Variants in EPHB1 observed in about 807,000 individuals in gnomAD.
EPHB1 encodes the protein EPH receptor B1.
EPHB1 carries 30 observed loss-of-function variants against 94.4 expected under a neutral mutation model. That is an observed-to-expected ratio of 0.32 (90% CI 0.24 to 0.43). The LOEUF (loss-of-function observed/expected upper bound fraction) is 0.43, where lower values mean the gene tolerates loss of function less well. EPHB1 is among the 20% of genes least tolerant of loss of function. The pLI is 1.00. For synonymous variants in EPHB1, 522 were observed against 489.1 expected (o/e 1.07, Z -0.89); for missense variants, 1,055 against 1,308.3 (o/e 0.81, Z 2.99).
At chr3:135,226,728 G>T (rs1172924839) in intron 12 of EPHB1, among the ~76,000 whole-genome samples, 1 of 152,146 alleles carries the variant, frequency 6.6e-6, no homozygotes, top group Admixed American at 6.5e-5. Context: ...CAACTTGGAA[G>T]GTTGTTGGCC....
At chr3:134,836,542 T>C (rs2036676340) in intron 1 of EPHB1, among the ~76,000 whole-genome samples, 1 of 152,226 alleles carries the variant, frequency 6.6e-6, no homozygotes, top group Admixed American at 6.5e-5. Context: ...TTTTAAAAAC[T>C]ACACTTCATT....
chr3:134,912,643 A>T (rs891915561), intron 1 of EPHB1, among the ~76,000 whole-genome samples: 6 of 152,180 alleles, frequency 3.9e-5, no homozygotes, highest in Admixed American at 1.3e-4. Context: ...TACAGGTCTG[A>T]TTAAATGCCC....
At chr3:134,983,690 A>G (rs906030186) in intron 3 of EPHB1, among the ~76,000 whole-genome samples, 2 of 152,246 alleles carry the variant, frequency 1.3e-5, no homozygotes, top group South Asian at 4.1e-4. Context: ...TTGGACCTCC[A>G]TATCAGGACC....
intron 1 of EPHB1, among the ~76,000 whole-genome samples, chr3:134,807,110 G>A (rs2036076731): frequency 6.6e-6 from 1 of 152,222 alleles, no homozygotes; most frequent in South Asian, 2.1e-4. Flanking sequence ...TCTCTGGGGT[G>A]TCCAGGTAAG....
In EPHB1 at chr3:135,192,785, G is replaced by C. The variant is rs1942494512; in HGVS notation, c.2092G>C (p.Glu698Gln). ...GAGTCGGCCTGTCATGATCATCACAGAGTTCATGGAGAATGGTGCATTGGA... is the reference window on the plus strand; with the variant it reads ...GAGTCGGCCTGTCATGATCATCACACAGTTCATGGAGAATGGTGCATTGGA... ...TKSRPVMIIT[E>Q]FMENGALDSF... The change falls in exon 11 of 16, where the codon GAG becomes CAG. Residue 698 changes from glutamate (E) to glutamine (Q), a missense_variant. Transcript: ENST00000398015. The C allele has an allele frequency of 1.2e-6, 2 of 1,614,062 alleles. No homozygotes were observed. The highest frequency in any genetic ancestry group is 2.2e-5 in the East Asian group (1 of 44,892).
intron 15 of EPHB1, among the ~76,000 whole-genome samples, chr3:135,254,762 T>TATTG (rs1933297485): frequency 6.6e-6 from 1 of 152,152 alleles, no homozygotes; most frequent in Non-Finnish European, 1.5e-5. Flanking sequence ...CCTCTTTTTC[T>TATTG]ATTGATTGGA....
chr3:134,831,874 T>C (rs1321415709), intron 1 of EPHB1, among the ~76,000 whole-genome samples: 1 of 152,238 alleles, frequency 6.6e-6, no homozygotes, highest in African/African-American at 2.4e-5. Context: ...CCTGTTTGGA[T>C]ATTTCTATGA....
rs1233060818 is a variant in EPHB1 at position 135,155,740 on chromosome 3, A to AGT, written c.1422+1465_1422+1466insTG. Among the ~76,000 whole-genome samples the AGT allele has an allele frequency of 2.4e-4, 34 of 139,588 alleles. 2 individuals are homozygous for AGT. The highest frequency in any genetic ancestry group is 4.6e-4 in the African/African-American group (16 of 34,674). The allele number at this position is 139,588 out of a possible 152,430, so 91.6% of individuals were successfully genotyped here. On this transcript the variant is annotated intron_variant, in intron 6 of 15. Coordinates refer to ENST00000398015, the MANE Select transcript of EPHB1 (RefSeq NM_004441.5). ...AGGAGGTGGAGGTTGCAGTGAGCCT[A>AGT]GATCACACCACTGCACTCCAGTGTG...
chr3:135,001,342 G>A (rs1307033090), intron 3 of EPHB1, among the ~76,000 whole-genome samples: 2 of 152,158 alleles, frequency 1.3e-5, no homozygotes, highest in Non-Finnish European at 2.9e-5. Context: ...TGAAGATGGG[G>A]TGGCAGTGGC....
chr3:135,184,015 G>A (rs1235543073), intron 10 of EPHB1, among the ~76,000 whole-genome samples: 1 of 152,210 alleles, frequency 6.6e-6, no homozygotes, highest in African/African-American at 2.4e-5. Flanking sequence ...GACAAGTTAT[G>A]AGGTTTTGTT....
chr3:135,178,955 C>T (rs76203913), intron 9 of EPHB1, among the ~76,000 whole-genome samples: 5 of 152,144 alleles, frequency 3.3e-5, no homozygotes, highest in Non-Finnish European at 4.4e-5. Context: ...TGCTTAATGA[C>T]GTATCAAACA....
At chr3:135,096,550 C>T (rs6764345) in intron 3 of EPHB1, among the ~76,000 whole-genome samples, 130,806 of 152,260 alleles carry the variant, frequency 0.86, 56,222 homozygotes, top group Middle Eastern at 0.96. Context: ...CTGTAACAAA[C>T]ACTGGGTGGC....
intron 3 of EPHB1, among the ~76,000 whole-genome samples, chr3:135,037,537 G>C (rs776544163): frequency 3.9e-5 from 6 of 152,240 alleles, no homozygotes; most frequent in Non-Finnish European, 8.8e-5. Flanking sequence ...CCATTTGACA[G>C]AAGGGGAAAC....
chr3:134,946,295 T>G (rs1025408439), intron 2 of EPHB1, among the ~76,000 whole-genome samples: 1 of 152,188 alleles, frequency 6.6e-6, no homozygotes, highest in Non-Finnish European at 1.5e-5. Context: ...CATCAGCGAC[T>G]TCTAGTTACA....
intron 3 of EPHB1, among the ~76,000 whole-genome samples, chr3:135,083,803 C>A (rs747676313): frequency 2.6e-5 from 4 of 152,076 alleles, no homozygotes; most frequent in Non-Finnish European, 4.4e-5. Context: ...TAATAGAGGC[C>A]AAATGAGTCC....
intron 1 of EPHB1, among the ~76,000 whole-genome samples, chr3:134,812,885 A>G (rs1483226853): frequency 6.6e-6 from 1 of 152,106 alleles, no homozygotes; most frequent in East Asian, 1.9e-4. Flanking sequence ...CCACTCATAT[A>G]TATTCTCCGA....
At chr3:134,962,602 C>T (rs1483619742) in intron 3 of EPHB1, among the ~76,000 whole-genome samples, 2 of 152,168 alleles carry the variant, frequency 1.3e-5, no homozygotes, top group Admixed American at 1.3e-4. Flanking sequence ...CCATCTGTCT[C>T]CTTCTGCCCC....
chr3:134,850,742 G>A (rs563447857), intron 1 of EPHB1, among the ~76,000 whole-genome samples: 94 of 152,370 alleles, frequency 6.2e-4, no homozygotes, highest in South Asian at 1.4e-3. Context: ...CTGCTCCCAT[G>A]CTGGCTGTGA....
At chr3:134,906,878 T>G (rs2038343846) in intron 1 of EPHB1, among the ~76,000 whole-genome samples, 1 of 152,220 alleles carries the variant, frequency 6.6e-6, no homozygotes, top group South Asian at 2.1e-4. Flanking sequence ...ACCATTCAAC[T>G]GATGGTGTTG....
Sources: gnomAD v4.1 joint callset for allele counts (sites outside exome capture counted in the v4.1 genomes callset) on GRCh38, gnomAD v4.1.1 for gene constraint, MANE v1.5 for transcripts, NCBI Gene and HGNC (gene_info 2026-07-23, HGNC 2026-07-21) for gene names.